Variants in MAP2 observed in about 807,000 individuals in gnomAD.
MAP2 encodes the protein microtubule-associated protein 2.
MAP2 carries 14 observed loss-of-function variants against 137.6 expected under a neutral mutation model. That is an observed-to-expected ratio of 0.10 (90% CI 0.07 to 0.16). MAP2 has a LOEUF of 0.16. Among genes scored for constraint, MAP2 ranks in the 10% least tolerant of loss-of-function variants. The pLI, the probability that MAP2 is intolerant of heterozygous loss-of-function variation, is 1.00. For synonymous variants in MAP2, 786 were observed against 782.3 expected, an observed-to-expected ratio of 1.00 and a Z score of -0.08; for missense variants, 2,088 against 2,191.5, an observed-to-expected ratio of 0.95 and a Z score of 0.94.
intron 2 of MAP2, among the ~76,000 whole-genome samples, chr2:209,521,740 A>G (rs1353488292): frequency 6.6e-6 from 1 of 152,030 alleles, no homozygotes; most frequent in Non-Finnish European, 1.5e-5. Context: ...GGAGATTGGG[A>G]TTTTGTGATC....
chr2:209,487,898 A>G (rs1291582916), intron 1 of MAP2, among the ~76,000 whole-genome samples: 1 of 152,226 alleles, frequency 6.6e-6, no homozygotes, highest in Non-Finnish European at 1.5e-5. Context: ...AGGAAAAACA[A>G]AAGGAACTTG....
In MAP2 at chr2:209,684,049, A is replaced by G. The variant is rs149130438; in HGVS notation, c.454+3222A>G. Among the ~76,000 whole-genome samples the G allele has an allele frequency of 5.2e-3, 798 of 152,290 alleles. 14 individuals are homozygous for G. The highest frequency in any genetic ancestry group is 0.018 in the African/African-American group (746 of 41,568). ...AGGGATTTTGATGAAAAAAAAGGAAACAAGCTGCACACTTAGAAAAGGATC... is the reference window on the plus strand; with the variant it reads ...AGGGATTTTGATGAAAAAAAAGGAAGCAAGCTGCACACTTAGAAAAGGATC... On this transcript the variant is annotated intron_variant, in intron 7 of 15. Transcript: ENST00000682079.
Position 209,669,394 on chromosome 2 carries a change from T to C in MAP2, c.263-9178T>C, listed in dbSNP as rs151090426. On this transcript the variant is annotated intron_variant, in intron 5 of 15. Transcript: ENST00000682079. ...AAGGCTTCCAAAGATTTCTAAGTTA[T>C]GTTGGGGATGAGAGAGAAGGATCAA... 5.0e-3 allele frequency among the ~76,000 whole-genome samples: 758 copies of C among 152,182 alleles called. 4 individuals are homozygous for C. The highest frequency in any genetic ancestry group is 6.5e-3 in the Non-Finnish European group (442 of 67,948).
At position 209,695,091 on chromosome 2, in the gene MAP2, A is replaced by T; in HGVS notation, c.2921A>T (p.Lys974Ile). The change falls in exon 8 of 16, where the codon AAA becomes ATA. Residue 974 changes from lysine (K) to isoleucine (I), a missense_variant. Coordinates refer to ENST00000682079, the MANE Select transcript of MAP2 (RefSeq NM_001375505.1). ...AAGAGTGAAGAACATGCTGATTCAA[A>T]AGAACATGCCAAGAAAACTGAAGAG... ...LEKSEEHADSKEHAKKTEEAG... is the reference protein window; with the variant it reads ...LEKSEEHADSIEHAKKTEEAG... 6.2e-7 allele frequency: 1 copy of T among 1,614,180 alleles called. No homozygotes were observed. Among genetic ancestry groups the T allele is most frequent in the Non-Finnish European group, 8.5e-7 (1 of 1,180,028 alleles).
intron 2 of MAP2, among the ~76,000 whole-genome samples, chr2:209,534,352 G>A (rs1365748472): frequency 1.3e-5 from 2 of 152,168 alleles, no homozygotes; most frequent in African/African-American, 4.8e-5. Context: ...TAGAGAAATA[G>A]GAATTCCAGC....
chr2:209,559,333 A>G (rs1197565404), intron 2 of MAP2, among the ~76,000 whole-genome samples: 1 of 151,812 alleles, frequency 6.6e-6, no homozygotes, highest in African/African-American at 2.4e-5. Context: ...TGCCCAAATT[A>G]TTTCAAATTT....
In MAP2 at chr2:209,537,211, T is replaced by C. The variant is rs889523395; in HGVS notation, c.-172+29570T>C. ...TGGTAATTCTCACGATATTTCAAACTTTTAAATTATTTTTTGTATCTGTTA... is the reference window on the plus strand; with the variant it reads ...TGGTAATTCTCACGATATTTCAAACCTTTAAATTATTTTTTGTATCTGTTA... On this transcript the variant is annotated intron_variant, in intron 2 of 15. Transcript: ENST00000682079. Among the ~76,000 whole-genome samples the C allele has an allele frequency of 3.3e-5, 5 of 152,220 alleles. No homozygotes were observed. The East Asian group carries it at 9.6e-4, about 29-fold the overall frequency.
intron 1 of MAP2, among the ~76,000 whole-genome samples, chr2:209,477,780 T>G (rs1707670322): frequency 6.6e-6 from 1 of 151,754 alleles, no homozygotes; most frequent in African/African-American, 2.4e-5. Context: ...GAGGATCACT[T>G]GAGCCCAGAA....
intron 13 of MAP2, chr2:209,723,487 G>A (rs1485755844): frequency 1.5e-6 from 1 of 688,638 alleles, no homozygotes; most frequent in Non-Finnish European, 2.7e-6. Flanking sequence ...AAATAAATGT[G>A]TAGGTGGAAG....
At chr2:209,601,443 G>T (rs1312803524) in intron 3 of MAP2, among the ~76,000 whole-genome samples, 5 of 152,024 alleles carry the variant, frequency 3.3e-5, no homozygotes, top group Admixed American at 1.3e-4. Context: ...TAACTAGAGA[G>T]AAAAATACTG....
At chr2:209,458,171 C>T (rs1189977040) in intron 1 of MAP2, among the ~76,000 whole-genome samples, 1 of 152,014 alleles carries the variant, frequency 6.6e-6, no homozygotes. Context: ...TGGCTATACT[C>T]CCAGAACAGG....
intron 1 of MAP2, among the ~76,000 whole-genome samples, chr2:209,451,771 T>G (rs987172087): frequency 6.6e-6 from 1 of 152,216 alleles, no homozygotes; most frequent in Non-Finnish European, 1.5e-5. Context: ...TAGCTCTGTC[T>G]GCAACATTGT....
chr2:209,481,933 G>A (rs896392708), intron 1 of MAP2, among the ~76,000 whole-genome samples: 5 of 152,146 alleles, frequency 3.3e-5, no homozygotes, highest in Admixed American at 2.6e-4. Context: ...ACAGTTATTT[G>A]TGAGTTAAAA....
chr2:209,716,653 A>C (rs2067768791), intron 13 of MAP2, among the ~76,000 whole-genome samples: 2 of 152,200 alleles, frequency 1.3e-5, no homozygotes, highest in South Asian at 4.1e-4. Context: ...CCTGATCTAA[A>C]AGAATATTGA....
In MAP2 at chr2:209,653,954, T is replaced by C. The variant is rs572520065; in HGVS notation, c.262+522T>C. Among the ~76,000 whole-genome samples, 7 of 152,342 alleles carry C rather than the reference T, an allele frequency of 4.6e-5. No individual in the cohort carries two copies. The East Asian group carries it at 1.3e-3, about 29-fold the overall frequency. ...TGCAAGAAATGGTCCCAGAACTTCATGAATCAGATGATCTTGGAGCAGACA... is the reference window on the plus strand; with the variant it reads ...TGCAAGAAATGGTCCCAGAACTTCACGAATCAGATGATCTTGGAGCAGACA... On this transcript the variant is annotated intron_variant, in intron 5 of 15. Transcript: ENST00000682079.
intron 4 of MAP2, among the ~76,000 whole-genome samples, chr2:209,639,779 A>C (rs1035567870): frequency 4.6e-5 from 7 of 150,612 alleles, no homozygotes; most frequent in Non-Finnish European, 7.4e-5. Context: ...TTTGGTTGTT[A>C]ATGTTGTTCA....
intron 1 of MAP2, among the ~76,000 whole-genome samples, chr2:209,460,467 AAG>A (rs1469466344): frequency 6.6e-6 from 1 of 152,076 alleles, no homozygotes; most frequent in East Asian, 1.9e-4. Context: ...TTAGAGTTGA[AAG>A]AGAAAAAAAT....
At chr2:209,635,270 A>T (rs1024198672) in intron 4 of MAP2, among the ~76,000 whole-genome samples, 4 of 152,180 alleles carry the variant, frequency 2.6e-5, no homozygotes, top group African/African-American at 9.6e-5. Context: ...AGAAAACCTC[A>T]TTATGGAAAA....
chr2:209,512,864 G>T (rs960864068), intron 2 of MAP2, among the ~76,000 whole-genome samples: 5 of 151,986 alleles, frequency 3.3e-5, no homozygotes, highest in Non-Finnish European at 7.4e-5. Flanking sequence ...TGCCCAGGCT[G>T]GTCTTGATCT....
Sources: allele counts gnomAD v4.1 joint callset (sites outside exome capture counted in the v4.1 genomes callset), GRCh38; gene constraint gnomAD v4.1.1; transcripts MANE v1.5; gene names NCBI Gene and HGNC (gene_info 2026-07-23, HGNC 2026-07-21).